NXPH1: variants seen among roughly 807,000 people sequenced by gnomAD.
The protein encoded by NXPH1 is neurexophilin-1.
NXPH1 carries 5 observed loss-of-function variants against 23.7 expected under a neutral mutation model. The ratio of observed to expected loss-of-function variants is 0.21; its 90% CI spans 0.11 to 0.44. The LOEUF (loss-of-function observed/expected upper bound fraction) is 0.44, where lower values mean the gene tolerates loss of function less well. NXPH1 is among the 20% of genes least tolerant of loss of function. The pLI, the probability that NXPH1 is intolerant of heterozygous loss-of-function variation, is 0.99. For missense variants in NXPH1, 324 were observed against 321.6 expected (o/e 1.01, Z -0.06); for synonymous variants, 144 against 122.2 (o/e 1.18, Z -1.18).
At chr7:8,674,529 T>G (rs1820918863) in intron 2 of NXPH1, among the ~76,000 whole-genome samples, 1 of 152,168 alleles carries the variant, frequency 6.6e-6, no homozygotes, top group Non-Finnish European at 1.5e-5. Context: ...GGAGAGCTGC[T>G]GAATGCCTGA....
intron 2 of NXPH1, among the ~76,000 whole-genome samples, chr7:8,605,866 A>G (rs1819476129): frequency 6.6e-6 from 1 of 152,146 alleles, no homozygotes; most frequent in Admixed American, 6.6e-5. Context: ...TAAAAGCACC[A>G]TTCTTGATTT....
intron 2 of NXPH1, among the ~76,000 whole-genome samples, chr7:8,680,821 A>T (rs1339176887): frequency 6.6e-6 from 1 of 152,234 alleles, no homozygotes; most frequent in Non-Finnish European, 1.5e-5. Flanking sequence ...AGCATCTTTT[A>T]TATGCAATAA....
intron 2 of NXPH1, among the ~76,000 whole-genome samples, chr7:8,700,737 C>T (rs569225471): frequency 1.3e-5 from 2 of 152,126 alleles, no homozygotes; most frequent in South Asian, 4.1e-4. Flanking sequence ...GTACACCTGC[C>T]TTCTGGACAT....
At chr7:8,502,635 C>G (rs1165228355) in intron 2 of NXPH1, among the ~76,000 whole-genome samples, 1 of 151,638 alleles carries the variant, frequency 6.6e-6, no homozygotes, top group Non-Finnish European at 1.5e-5. Context: ...AGAGGAGTAG[C>G]AAGTATAGGA....
At chr7:8,637,232 T>C (rs1270406756) in intron 2 of NXPH1, among the ~76,000 whole-genome samples, 1 of 151,966 alleles carries the variant, frequency 6.6e-6, no homozygotes, top group African/African-American at 2.4e-5. Context: ...ACTCTTTTTT[T>C]TTTTTTGAGA....
chr7:8,513,127 A>G (rs925762145), intron 2 of NXPH1, among the ~76,000 whole-genome samples: 2 of 152,106 alleles, frequency 1.3e-5, no homozygotes, highest in Admixed American at 6.5e-5. Flanking sequence ...AAAGTGCCCA[A>G]CTACCCAAGT....
chr7:8,649,556 GT>G (rs1359791419), intron 2 of NXPH1, among the ~76,000 whole-genome samples: 1 of 152,018 alleles, frequency 6.6e-6, no homozygotes, highest in Admixed American at 6.6e-5. Flanking sequence ...AATAATCTAT[GT>G]TTTTACTGAT....
intron 2 of NXPH1, among the ~76,000 whole-genome samples, chr7:8,710,808 GCC>G: frequency 7.2e-6 from 1 of 138,230 alleles, no homozygotes; most frequent in South Asian, 2.3e-4. Flanking sequence ...GACTACAGGC[GCC>G]CGCCACCGCG....
chr7:8,587,016 G>T (rs1818993013), intron 2 of NXPH1, among the ~76,000 whole-genome samples: 1 of 151,878 alleles, frequency 6.6e-6, no homozygotes, highest in African/African-American at 2.4e-5. Context: ...AATAAAAATG[G>T]GATCATGCTA....
intron 2 of NXPH1, among the ~76,000 whole-genome samples, chr7:8,460,691 G>A (rs2882178): frequency 0.37 from 56,722 of 152,064 alleles, 11,103 homozygotes; most frequent in East Asian, 0.62. Context: ...TGCACTCCAG[G>A]CTTTTGTTTA....
At chr7:8,507,724 A>C (rs1817553114) in intron 2 of NXPH1, among the ~76,000 whole-genome samples, 1 of 152,098 alleles carries the variant, frequency 6.6e-6, no homozygotes, top group African/African-American at 2.4e-5. Context: ...CTTGTAAATT[A>C]GTACAGTTTA....
chr7:8,607,330 G>C (rs1819517496), intron 2 of NXPH1, among the ~76,000 whole-genome samples: 2 of 152,158 alleles, frequency 1.3e-5, no homozygotes. Flanking sequence ...CCAATGAGTT[G>C]CTAGAAGAAT....
intron 2 of NXPH1, among the ~76,000 whole-genome samples, chr7:8,689,128 G>C (rs1821190168): frequency 6.6e-6 from 1 of 152,126 alleles, no homozygotes; most frequent in Non-Finnish European, 1.5e-5. Flanking sequence ...GATAGAATGA[G>C]AGTATATAGG....
chr7:8,549,773 G>A (rs547625419), intron 2 of NXPH1, among the ~76,000 whole-genome samples: 70 of 151,548 alleles, frequency 4.6e-4, no homozygotes, highest in East Asian at 2.7e-3. Context: ...TACAGAGGAG[G>A]AAATAAATGT....
chr7:8,605,805 G>A (rs932728563), intron 2 of NXPH1, among the ~76,000 whole-genome samples: 1 of 152,084 alleles, frequency 6.6e-6, no homozygotes, highest in Non-Finnish European at 1.5e-5. Flanking sequence ...GGCATCAGAA[G>A]GGGCTGTGTG....
At chr7:8,731,377 C>T (rs1384454923) in intron 2 of NXPH1, among the ~76,000 whole-genome samples, 3 of 152,238 alleles carry the variant, frequency 2.0e-5, no homozygotes, top group African/African-American at 7.2e-5. Flanking sequence ...TGTTCCCTTG[C>T]TGGGGAGGAA....
chr7:8,444,057 AGACGGATAGTACCGAGCGTT>A (rs1365019019), intron 2 of NXPH1, among the ~76,000 whole-genome samples: 1 of 152,212 alleles, frequency 6.6e-6, no homozygotes, highest in Non-Finnish European at 1.5e-5. Flanking sequence ...TCCAGAAATA[AGACGGATAGTACCGAGCGTT>A]GGCGCTAGGG....
intron 2 of NXPH1, among the ~76,000 whole-genome samples, chr7:8,669,735 C>T (rs1820837277): frequency 6.6e-6 from 1 of 152,140 alleles, no homozygotes; most frequent in Admixed American, 6.5e-5. Flanking sequence ...CCCTTTCCCT[C>T]AAGCAGAGAG....
At chr7:8,551,840 C>A (rs1482795065) in intron 2 of NXPH1, among the ~76,000 whole-genome samples, 1 of 151,350 alleles carries the variant, frequency 6.6e-6, no homozygotes, top group Non-Finnish European at 1.5e-5. Flanking sequence ...CCATGTCCAA[C>A]CATTTTAGGT....
Sources: allele counts gnomAD v4.1 joint callset (sites outside exome capture counted in the v4.1 genomes callset), GRCh38; gene constraint gnomAD v4.1.1; transcripts MANE v1.5; gene names NCBI Gene and HGNC (gene_info 2026-07-23, HGNC 2026-07-21).